MYO3B: variants seen among roughly 807,000 people sequenced by gnomAD.
MYO3B encodes myosin-IIIb.
In MYO3B, 156 loss-of-function variants were observed where a neutral mutation model predicts 174.6. The ratio of observed to expected loss-of-function variants is 0.89; its 90% CI spans 0.78 to 1.02. The LOEUF (loss-of-function observed/expected upper bound fraction) is 1.02. MYO3B is among the 50% of genes least tolerant of loss of function. The pLI is 0.00. For synonymous variants in MYO3B, 563 were observed against 569.1 expected (o/e 0.99, Z 0.15); for missense variants, 1,632 against 1,639.4 (o/e 1.00, Z 0.08).
intron 28 of MYO3B, among the ~76,000 whole-genome samples, chr2:170,514,230 T>C (rs1688153606): frequency 6.6e-6 from 1 of 152,160 alleles, no homozygotes; most frequent in Non-Finnish European, 1.5e-5. Context: ...CTCGTGACCT[T>C]GAGGTCATGG....
rs1352819003 is a variant in MYO3B, at chr2:170,533,649, A to G, written c.3576-9257A>G. 5.9e-5 allele frequency among the ~76,000 whole-genome samples: 9 copies of G among 152,100 alleles called. No individual in the cohort carries two copies. In the East Asian group the frequency reaches 1.7e-3, roughly 29 times the overall value. ...ATTCTAGAAAGGCAGCCACACAGAT[A>G]CCTCATCATTACTATTCTCCCTTGA... is the stretch of plus-strand genomic sequence containing the variant. On this transcript the variant is annotated intron_variant, in intron 30 of 34. Transcript: ENST00000408978.
At chr2:170,531,995 T>A in intron 30 of MYO3B, among the ~76,000 whole-genome samples, 1 of 152,248 alleles carries the variant, frequency 6.6e-6, no homozygotes, top group South Asian at 2.1e-4. Context: ...TCAGAGTAAG[T>A]CCCCATAAGA....
chr2:170,297,830 T>G (rs1162164070), intron 7 of MYO3B, among the ~76,000 whole-genome samples: 2 of 152,234 alleles, frequency 1.3e-5, no homozygotes, highest in Non-Finnish European at 2.9e-5. Context: ...ATTTAATCAC[T>G]GTTCATGATT....
chr2:170,356,070 C>T lies in MYO3B; in HGVS notation c.816-13152C>T, dbSNP rs1465746310. 2.0e-5 allele frequency among the ~76,000 whole-genome samples: 3 copies of T among 151,936 alleles called. 1 individual carries two copies. Among genetic ancestry groups the T allele is most frequent in the East Asian group, 1.9e-4 (1 of 5,172 alleles). On this transcript the variant is annotated intron_variant, in intron 8 of 34. Coordinates refer to ENST00000408978, the MANE Select transcript of MYO3B (RefSeq NM_138995.5). The stretch of plus-strand genomic sequence containing the variant: ...CTGCCTCCTGGGTTCACGCCATTCT[C>T]CTGCCTCAGCCTCCCAAGTAGCTGG...
chr2:170,352,271 T>C (rs979462222), intron 8 of MYO3B, among the ~76,000 whole-genome samples: 35 of 152,170 alleles, frequency 2.3e-4, no homozygotes, highest in African/African-American at 8.4e-4. Context: ...CATAGGTTTT[T>C]GTACTCAGAA....
At chr2:170,536,189 TATG>T (rs1245335037) in intron 30 of MYO3B, among the ~76,000 whole-genome samples, 1 of 152,136 alleles carries the variant, frequency 6.6e-6, no homozygotes, top group African/African-American at 2.4e-5. Flanking sequence ...GGCAAACAAA[TATG>T]ATCACATTTA....
At chr2:170,236,446 A>G (rs1450910238) in intron 7 of MYO3B, among the ~76,000 whole-genome samples, 1 of 152,238 alleles carries the variant, frequency 6.6e-6, no homozygotes, top group East Asian at 1.9e-4. Flanking sequence ...GGATTAAGTA[A>G]TCTGTCTAAA....
chr2:170,375,371 C>G (rs1037773572), intron 9 of MYO3B, among the ~76,000 whole-genome samples: 3 of 152,122 alleles, frequency 2.0e-5, no homozygotes, highest in Non-Finnish European at 4.4e-5. Context: ...TGAACTCAAC[C>G]GTGAACCTCA....
chr2:170,502,092 G>A (rs1307960790), intron 28 of MYO3B, among the ~76,000 whole-genome samples: 1 of 152,128 alleles, frequency 6.6e-6, no homozygotes, highest in African/African-American at 2.4e-5. Flanking sequence ...TGCTCTGACT[G>A]GGTTCTCTTG....
At chr2:170,217,039 A>G (rs192093960) in intron 5 of MYO3B, among the ~76,000 whole-genome samples, 1 of 56,940 alleles carries the variant, frequency 1.8e-5, no homozygotes, top group Non-Finnish European at 4.0e-5. Flanking sequence ...AAATGATTGG[A>G]AAAAAAAAAC....
rs377639268 is a variant in MYO3B at position 170,392,414 on chromosome 2, C to T, written c.1710C>T (p.His570=). ...CTGATGAAACTGGAAGGGTGATGCACGACATAACTTCCAAGGAGTCTTACA... is the reference window on the plus strand; with the variant it reads ...CTGATGAAACTGGAAGGGTGATGCATGACATAACTTCCAAGGAGTCTTACA... The part of the protein sequence containing the change: ...YIADETGRVM[H]DITSKESYRR... Residue 570 remains histidine, a synonymous_variant, in exon 16 of 35, where the codon CAC becomes CAT. Coordinates refer to ENST00000408978, the MANE Select transcript of MYO3B (RefSeq NM_138995.5). The T allele has an allele frequency of 3.7e-5, 59 of 1,600,482 alleles. No individual in the cohort carries two copies. The highest frequency in any genetic ancestry group is 2.7e-4 in the African/African-American group (20 of 74,680).
intron 25 of MYO3B, among the ~76,000 whole-genome samples, chr2:170,490,122 G>A (rs1575064541): frequency 1.3e-5 from 2 of 149,280 alleles, no homozygotes; most frequent in South Asian, 4.2e-4. Flanking sequence ...TCCGCCTCCC[G>A]GGTTCAAGCC....
At chr2:170,314,533 G>A (rs2093761082) in intron 7 of MYO3B, among the ~76,000 whole-genome samples, 1 of 152,110 alleles carries the variant, frequency 6.6e-6, no homozygotes. Flanking sequence ...ATCTTTAATT[G>A]TTGTGGACAG....
At chr2:170,396,666 C>G (rs2094443625) in intron 16 of MYO3B, among the ~76,000 whole-genome samples, 1 of 152,088 alleles carries the variant, frequency 6.6e-6, no homozygotes, top group African/African-American at 2.4e-5. Context: ...TGTCTAGGCA[C>G]TATGCTGAAG....
intron 28 of MYO3B, among the ~76,000 whole-genome samples, chr2:170,506,510 G>A (rs907670099): frequency 6.6e-6 from 1 of 152,240 alleles, no homozygotes; most frequent in East Asian, 1.9e-4. Context: ...TATTTGTTAA[G>A]CACCTACTTT....
intron 31 of MYO3B, 63 bp from the exon 32 acceptor site, chr2:170,543,829 T>C (rs755125646): frequency 3.0e-6 from 4 of 1,352,768 alleles, no homozygotes; most frequent in African/African-American, 1.4e-5. Context: ...ATAGAAGCCA[T>C]GTCCTTAAGG....
intron 32 of MYO3B, among the ~76,000 whole-genome samples, chr2:170,634,383 T>C (rs1267366444): frequency 1.3e-5 from 2 of 152,202 alleles, no homozygotes; most frequent in African/African-American, 4.8e-5. Context: ...ATTCCCTATT[T>C]AATAAATGGT....
chr2:170,619,685 GTCTTTTTCAAACCTCATC>G (rs2105325488), intron 32 of MYO3B, among the ~76,000 whole-genome samples: 1 of 139,888 alleles, frequency 7.1e-6, no homozygotes, highest in African/African-American at 2.6e-5. Context: ...AGAAACCACA[GTCTTTTTCAAACCTCATC>G]TCTAAAGTGA....
intron 32 of MYO3B, among the ~76,000 whole-genome samples, chr2:170,631,305 G>A (rs1044981556): frequency 6.6e-6 from 1 of 151,848 alleles, no homozygotes; most frequent in Non-Finnish European, 1.5e-5. Flanking sequence ...TATCAATGAT[G>A]GAAGATCAAA....
Sources: gnomAD v4.1 joint callset for allele counts (sites outside exome capture counted in the v4.1 genomes callset) on GRCh38, gnomAD v4.1.1 for gene constraint, MANE v1.5 for transcripts, NCBI Gene and HGNC (gene_info 2026-07-23, HGNC 2026-07-21) for gene names.